PPARGC1A: variants seen among roughly 807,000 people sequenced by gnomAD.
The protein encoded by PPARGC1A is PPARG coactivator 1 alpha, also known as peroxisome proliferator-activated receptor gamma coactivator 1-alpha.
In PPARGC1A, 25 loss-of-function variants were observed where a neutral mutation model predicts 88.7. That is an observed-to-expected ratio of 0.28 (90% CI 0.21 to 0.39). The LOEUF (loss-of-function observed/expected upper bound fraction) is 0.39, where lower values mean the gene tolerates loss of function less well. Among genes scored for constraint, PPARGC1A ranks in the 10% least tolerant of loss-of-function variants. The pLI is 1.00. For synonymous variants in PPARGC1A, 363 were observed against 355.6 expected, an observed-to-expected ratio of 1.02 and a Z score of -0.24; for missense variants, 880 against 968.7, an observed-to-expected ratio of 0.91 and a Z score of 1.22.
the PPARGC1A span, among the ~76,000 whole-genome samples, chr4:24,355,966 G>A: frequency 2.0e-5 from 3 of 152,126 alleles, no homozygotes; most frequent in African/African-American, 7.2e-5. Flanking sequence ...GGAGGCTGAG[G>A]AGGGCAGATC....
the PPARGC1A span, among the ~76,000 whole-genome samples, chr4:24,445,046 C>G: frequency 2.0e-5 from 3 of 151,786 alleles, no homozygotes; most frequent in Non-Finnish European, 4.4e-5. Flanking sequence ...GAGCAAGACC[C>G]TGTCTCAAAA....
chr4:24,222,265 G>A, the PPARGC1A span, among the ~76,000 whole-genome samples: 2 of 152,324 alleles, frequency 1.3e-5, no homozygotes, highest in African/African-American at 4.8e-5. Flanking sequence ...CCACACTGCT[G>A]TGCATTACGC....
the PPARGC1A span, among the ~76,000 whole-genome samples, chr4:24,174,619 T>C: frequency 6.6e-6 from 1 of 152,220 alleles, no homozygotes; most frequent in Admixed American, 6.5e-5. Flanking sequence ...GTTGTCCCCA[T>C]TTGAAAGACA....
the PPARGC1A span, among the ~76,000 whole-genome samples, chr4:24,103,595 CA>C: frequency 0.091 from 11,045 of 121,528 alleles, 635 homozygotes; most frequent in East Asian, 0.2. Flanking sequence ...TGCCTTCTTC[CA>C]AAAAAAAAAA....
the PPARGC1A span, among the ~76,000 whole-genome samples, chr4:24,302,744 T>C: frequency 6.6e-6 from 1 of 152,166 alleles, no homozygotes; most frequent in Non-Finnish European, 1.5e-5. Context: ...TCAGTGTTTC[T>C]CAAATGGCAG....
At chr4:24,136,957 T>C in the PPARGC1A span, among the ~76,000 whole-genome samples, 1 of 151,512 alleles carries the variant, frequency 6.6e-6, no homozygotes, top group South Asian at 2.1e-4. Context: ...CTACTAAAAA[T>C]ACAAAAATTA....
the PPARGC1A span, among the ~76,000 whole-genome samples, chr4:24,227,833 G>A: frequency 1.1e-4 from 17 of 152,314 alleles, no homozygotes; most frequent in South Asian, 1.0e-3. Context: ...CTGAGCACCC[G>A]AATTGTTGGG....
At chr4:24,422,144 G>A in the PPARGC1A span, among the ~76,000 whole-genome samples, 2 of 152,178 alleles carry the variant, frequency 1.3e-5, no homozygotes, top group African/African-American at 2.4e-5. Context: ...TTGGGACACA[G>A]CCCACCATTC....
chr4:24,154,065 A>T, the PPARGC1A span, among the ~76,000 whole-genome samples: 2 of 152,218 alleles, frequency 1.3e-5, no homozygotes, highest in African/African-American at 4.8e-5. Context: ...CACTTTTCCC[A>T]TGCAGACACT....
At chr4:23,973,996 AT>A in the PPARGC1A span, among the ~76,000 whole-genome samples, 1 of 152,018 alleles carries the variant, frequency 6.6e-6, no homozygotes, top group Non-Finnish European at 1.5e-5. Flanking sequence ...TGAATAAAAG[AT>A]TTTTCCAGCT....
chr4:24,201,560 GAGA>G, the PPARGC1A span, among the ~76,000 whole-genome samples: 1 of 152,222 alleles, frequency 6.6e-6, no homozygotes, highest in South Asian at 2.1e-4. Flanking sequence ...TCGTAGAATA[GAGA>G]AGGAGAACAC....
chr4:23,830,980 T>C (rs1267635674), intron 3 of PPARGC1A, among the ~76,000 whole-genome samples: 1 of 152,194 alleles, frequency 6.6e-6, no homozygotes, highest in Non-Finnish European at 1.5e-5. Flanking sequence ...ACCAATTCTT[T>C]CTAGGATTGT....
the PPARGC1A span, among the ~76,000 whole-genome samples, chr4:24,192,628 A>G: frequency 2.0e-5 from 3 of 152,374 alleles, no homozygotes; most frequent in East Asian, 5.8e-4. Flanking sequence ...GTAATGACAT[A>G]TCAATTAACT....
intron 2 of PPARGC1A, among the ~76,000 whole-genome samples, chr4:23,865,566 T>G (rs1577568652): frequency 6.6e-6 from 1 of 152,110 alleles, no homozygotes; most frequent in East Asian, 1.9e-4. Flanking sequence ...GTCTTAAAAT[T>G]TCCTTGGGTG....
chr4:23,944,162 G>T, the PPARGC1A span, among the ~76,000 whole-genome samples: 1 of 152,174 alleles, frequency 6.6e-6, no homozygotes, highest in Non-Finnish European at 1.5e-5. Context: ...AGTAATAAAA[G>T]ATATTAAATT....
the PPARGC1A span, among the ~76,000 whole-genome samples, chr4:24,468,644 A>C: frequency 2.6e-5 from 4 of 151,794 alleles, no homozygotes; most frequent in African/African-American, 9.7e-5. Context: ...ACAAGTAAAA[A>C]CCTGGTCAGT....
the PPARGC1A span, among the ~76,000 whole-genome samples, chr4:24,001,927 T>G: frequency 6.6e-6 from 1 of 152,040 alleles, no homozygotes; most frequent in Non-Finnish European, 1.5e-5. Context: ...AAGTAAGAGA[T>G]ATAATCGGCC....
the PPARGC1A span, among the ~76,000 whole-genome samples, chr4:24,318,849 A>C: frequency 1.3e-5 from 2 of 152,322 alleles, no homozygotes; most frequent in South Asian, 2.1e-4. Flanking sequence ...AACAAAATAC[A>C]ACTGGCTGTG....
the PPARGC1A span, among the ~76,000 whole-genome samples, chr4:24,404,328 A>G: frequency 6.6e-6 from 1 of 151,982 alleles, no homozygotes; most frequent in Non-Finnish European, 1.5e-5. Flanking sequence ...AGAACAGATC[A>G]GAAAACAGAA....
Sources: gnomAD v4.1 joint callset for allele counts (sites outside exome capture counted in the v4.1 genomes callset) on GRCh38, gnomAD v4.1.1 for gene constraint, MANE v1.5 for transcripts, NCBI Gene and HGNC (gene_info 2026-07-23, HGNC 2026-07-21) for gene names.